Variants in ZNF675 observed in about 807,000 individuals in gnomAD.
ZNF675 encodes zinc finger protein 675.
A neutral mutation model predicts 56.1 loss-of-function variants in ZNF675; 36 were observed. The observed-to-expected ratio is 0.64, with a 90% CI of 0.49 to 0.85. The LOEUF (loss-of-function observed/expected upper bound fraction) is 0.85, where lower values mean the gene tolerates loss of function less well. Ranked by LOEUF, ZNF675 falls within the 40% of genes least tolerant of loss-of-function variation. The probability of loss-of-function intolerance (pLI) is 0.00; values close to 1 mark genes in which losing one functional copy is unlikely to be tolerated. For synonymous variants in ZNF675, 200 were observed against 218.9 expected, an observed-to-expected ratio of 0.91 and a Z score of 0.76; for missense variants, 663 against 654.2, an observed-to-expected ratio of 1.01 and a Z score of -0.15.
chr19:23,656,802 T>C (rs1599408570), intron 3 of ZNF675: 2 of 151,644 alleles, frequency 1.3e-5, no homozygotes, highest in African/African-American at 2.4e-5. Context: ...TCATAGAAAG[T>C]GCAAGGGTGT....
intron 3 of ZNF675, 158 bp from the exon 4 acceptor site, chr19:23,654,864 C>CGT (rs1967961467): frequency 6.8e-4 from 218 of 322,384 alleles, no homozygotes; most frequent in South Asian, 7.7e-4. Context: ...CAAAGAGCCA[C>CGT]ATAGAAAAAA....
At chr19:23,679,223 T>A (rs1968343975) in intron 1 of ZNF675, among the ~76,000 whole-genome samples, 1 of 149,266 alleles carries the variant, frequency 6.7e-6, no homozygotes, top group Non-Finnish European at 1.5e-5. Context: ...ATAATCTTAT[T>A]AAAAATAATG....
chr19:23,663,181 C>T (rs1968104027), intron 1 of ZNF675, 23 bp from the exon 2 acceptor site: 1 of 1,589,218 alleles, frequency 6.3e-7, no homozygotes, highest in African/African-American at 1.4e-5. Flanking sequence ...TACACACAAA[C>T]ATATTCACCA....
At chr19:23,657,095 T>C (rs1335030090) in intron 3 of ZNF675, 1 of 152,106 alleles carries the variant, frequency 6.6e-6, no homozygotes, top group Non-Finnish European at 1.5e-5. Flanking sequence ...CCACCATGCC[T>C]GGCTATTTTT....
intron 1 of ZNF675, among the ~76,000 whole-genome samples, chr19:23,669,064 A>C (rs1968194977): frequency 2.0e-5 from 3 of 152,196 alleles, no homozygotes; most frequent in Admixed American, 6.5e-5. Flanking sequence ...GAGAGCTGTG[A>C]GGACTGCCAG....
At chr19:23,655,671 G>A (rs1273911780) in intron 3 of ZNF675, 2 of 152,056 alleles carry the variant, frequency 1.3e-5, no homozygotes, top group African/African-American at 4.8e-5. Flanking sequence ...GCAATATGAG[G>A]TTTGGAGAAC....
In ZNF675 at chr19:23,654,762, A is replaced by C. The variant is rs1439781469; in HGVS notation, c.227-56T>G. 4 of 1,378,394 alleles carry C rather than the reference A, an allele frequency of 2.9e-6. No homozygotes were observed. The African/African-American group carries it at 5.8e-5, about 20-fold the overall frequency. 85.4% of individuals were successfully genotyped at this position (1,378,394 alleles called of 1,614,324 possible). On this transcript the variant is annotated intron_variant, in intron 3 of 3. Coordinates refer to ENST00000359788, the MANE Select transcript of ZNF675 (RefSeq NM_138330.3). ...ACAGACTCAGATAAATATACTTTCC[A>C]AACCTAACTTATAAAATTACACAAA...
At chr19:23,664,416 C>T (rs1968122434) in intron 1 of ZNF675, among the ~76,000 whole-genome samples, 1 of 151,936 alleles carries the variant, frequency 6.6e-6, no homozygotes, top group Non-Finnish European at 1.5e-5. Flanking sequence ...CCATGAGCTG[C>T]TCCACGGAGA....
At chr19:23,658,367 TAA>T (rs58991088) in intron 3 of ZNF675, 142,987 of 147,692 alleles carry the variant, frequency 0.97, 69,333 homozygotes, top group East Asian at 1. Flanking sequence ...ATCTCAAAAT[TAA>T]AAAAAAAAAA....
intron 1 of ZNF675, among the ~76,000 whole-genome samples, chr19:23,671,609 A>G (rs1026142511): frequency 6.6e-6 from 1 of 151,920 alleles, no homozygotes; most frequent in East Asian, 1.9e-4. Context: ...GCAGTGCAAA[A>G]GGAGGAATTA....
At chr19:23,667,675 C>G (rs1023531980) in intron 1 of ZNF675, among the ~76,000 whole-genome samples, 1 of 148,530 alleles carries the variant, frequency 6.7e-6, no homozygotes, top group African/African-American at 2.5e-5. Flanking sequence ...TACAGAGTGT[C>G]AATTGGTGCA....
intron 3 of ZNF675, among the ~76,000 whole-genome samples, chr19:23,661,479 G>T (rs916484269): frequency 2.6e-5 from 4 of 151,904 alleles, no homozygotes; most frequent in Non-Finnish European, 5.9e-5. Flanking sequence ...TGACCTGAGG[G>T]CAGGAGTTTG....
In ZNF675 at chr19:23,653,462, G is replaced by C. The variant is rs754588779; in HGVS notation, c.1471C>G (p.His491Asp). The change falls in exon 4 of 4, where the codon CAC (histidine) becomes GAC (aspartate). Residue 491 changes from histidine to aspartate, a missense_variant. His to Asp is a moderately conservative substitution (Grantham distance 81). Coordinates refer to ENST00000359788, the MANE Select transcript of ZNF675 (RefSeq NM_138330.3). The part of the protein sequence containing the change: ...KCEECGKAFK[H>D]SSSLTTHKRI... ...TTATGTGTAGTAAGGGATGAGGAGT[G>C]TTTAAAAGCTTTGCCACATTCTTCA... 1.9e-6 allele frequency: 3 copies of C among 1,612,858 alleles called. No homozygotes were observed. In the East Asian group the frequency reaches 6.7e-5, roughly 36 times the overall value.
intron 1 of ZNF675, among the ~76,000 whole-genome samples, chr19:23,676,099 C>A (rs575889050): frequency 1.3e-5 from 2 of 151,214 alleles, no homozygotes; most frequent in Non-Finnish European, 1.5e-5. Context: ...ACTAAATAAT[C>A]TAGAAGAAAT....
intron 1 of ZNF675, among the ~76,000 whole-genome samples, chr19:23,674,013 A>T (rs1005385962): frequency 5.4e-5 from 8 of 149,274 alleles, no homozygotes; most frequent in African/African-American, 2.0e-4. Context: ...AACCAGCCTG[A>T]CCAACATGGT....
intron 3 of ZNF675, chr19:23,658,401 TG>T (rs1180712443): frequency 6.6e-6 from 1 of 151,376 alleles, no homozygotes; most frequent in East Asian, 1.9e-4. Flanking sequence ...AAGACAATTT[TG>T]GGCCAGGCTC....
chr19:23,670,076 G>A (rs755145002), intron 1 of ZNF675, among the ~76,000 whole-genome samples: 2 of 152,010 alleles, frequency 1.3e-5, no homozygotes, highest in Non-Finnish European at 2.9e-5. Context: ...CCTCTACTTT[G>A]CAAAGTCCTC....
chr19:23,666,915 T>G (rs1968158947), intron 1 of ZNF675, among the ~76,000 whole-genome samples: 1 of 148,702 alleles, frequency 6.7e-6, no homozygotes, highest in African/African-American at 2.6e-5. Flanking sequence ...ACCTTTCGTC[T>G]GTTTGTTTTT....
Position 23,687,136 on chromosome 19 carries a change from G to A in ZNF675, c.-103C>T, listed in dbSNP as rs1968454694. ...GACCTCTAGGAGCAGAGGACACAGAGCAATGAAAGCGAGACCTGGAGCTCC... is the reference window on the plus strand; with the variant it reads ...GACCTCTAGGAGCAGAGGACACAGAACAATGAAAGCGAGACCTGGAGCTCC... On this transcript the variant is annotated 5_prime_UTR_variant, in exon 1 of 4. Transcript: ENST00000359788. 6.9e-7 allele frequency: 1 copy of A among 1,447,334 alleles called. No homozygotes were observed. Among genetic ancestry groups the A allele is most frequent in the Non-Finnish European group, 9.6e-7 (1 of 1,038,510 alleles). The allele number at this position is 1,447,334 out of a possible 1,614,324, so 89.7% of individuals were successfully genotyped here. A position where few individuals can be genotyped will look rare whatever the true frequency, so the allele number is the denominator to read the frequency against.
Sources: allele counts gnomAD v4.1 joint callset (sites outside exome capture counted in the v4.1 genomes callset), GRCh38; gene constraint gnomAD v4.1.1; transcripts MANE v1.5; gene names NCBI Gene and HGNC (gene_info 2026-07-23, HGNC 2026-07-21).